ATRN: variants seen among roughly 807,000 people sequenced by gnomAD.
ATRN encodes the protein attractin.
Under a neutral mutation model 178.7 loss-of-function variants are expected in ATRN, and 54 were observed. That is an observed-to-expected ratio of 0.30 (90% CI 0.24 to 0.38). The LOEUF (loss-of-function observed/expected upper bound fraction) is 0.38. ATRN is among the 10% of genes least tolerant of loss of function. The pLI is 1.00. For synonymous variants in ATRN, 636 were observed against 663.0 expected (o/e 0.96, Z 0.63); for missense variants, 1,443 against 1,815.1 (o/e 0.79, Z 3.73).
At chr20:3,485,906 C>T (rs1193907501) in intron 1 of ATRN, among the ~76,000 whole-genome samples, 1 of 152,072 alleles carries the variant, frequency 6.6e-6, no homozygotes, top group Non-Finnish European at 1.5e-5. Context: ...AGGCATAAGC[C>T]ACCCCGCCCA....
Position 3,646,987 on chromosome 20 carries a change from A to G in ATRN, c.*140A>G. ...CCCTCAAAGCATCTGACTCACCTGC[A>G]TGATCACAAGCTTTCTTTGACGGTT... On this transcript the variant is annotated 3_prime_UTR_variant, in exon 29 of 29. Transcript: ENST00000262919. 1.8e-6 allele frequency: 2 copies of G among 1,134,330 alleles called. No individual in the cohort carries two copies. Among genetic ancestry groups the G allele is most frequent in the Admixed American group, 3.1e-5 (1 of 32,460 alleles). The allele number at this position is 1,134,330 out of a possible 1,614,324, so 70.3% of individuals were successfully genotyped here.
chr20:3,473,718 G>T (rs951912843), intron 1 of ATRN, among the ~76,000 whole-genome samples: 2 of 152,178 alleles, frequency 1.3e-5, no homozygotes, highest in Non-Finnish European at 2.9e-5. Context: ...GGACACTGTG[G>T]TAGGCAGTGG....
chr20:3,549,659 AT>A (rs2146204819), intron 6 of ATRN, among the ~76,000 whole-genome samples: 1 of 152,294 alleles, frequency 6.6e-6, no homozygotes, highest in African/African-American at 2.4e-5. Context: ...CCAAGGTCAA[AT>A]GGTTTGAATT....
intron 3 of ATRN, among the ~76,000 whole-genome samples, chr20:3,541,165 C>T (rs556411287): frequency 2.3e-4 from 35 of 151,170 alleles, no homozygotes; most frequent in Non-Finnish European, 4.0e-4. Flanking sequence ...GCAAGCTCCG[C>T]CTCCCGGGTT....
intron 10 of ATRN, among the ~76,000 whole-genome samples, chr20:3,564,119 T>G (rs1417768671): frequency 1.3e-5 from 2 of 152,224 alleles, no homozygotes; most frequent in Non-Finnish European, 2.9e-5. Context: ...CATTCGTTTT[T>G]AACAGACATT....
At chr20:3,601,105 C>T in intron 23 of ATRN, 81 bp downstream of exon 23, 1 of 1,327,110 alleles carries the variant, frequency 7.5e-7, no homozygotes. Flanking sequence ...AGAAAGCGAG[C>T]TCAGGAGACA....
chr20:3,605,002 A>G (rs2086659545), intron 24 of ATRN, among the ~76,000 whole-genome samples: 1 of 152,102 alleles, frequency 6.6e-6, no homozygotes, highest in African/African-American at 2.4e-5. Flanking sequence ...TTCTTCATTT[A>G]GGTGAATGTG....
intron 6 of ATRN, among the ~76,000 whole-genome samples, chr20:3,554,235 T>C (rs1293649847): frequency 1.3e-5 from 2 of 152,062 alleles, no homozygotes; most frequent in African/African-American, 4.8e-5. Context: ...TTCCAAATAA[T>C]GAACTTTCAT....
At chr20:3,590,603 A>G (rs2086427725) in intron 18 of ATRN, among the ~76,000 whole-genome samples, 2 of 152,356 alleles carry the variant, frequency 1.3e-5, no homozygotes, top group Non-Finnish European at 2.9e-5. Context: ...ATAATGAAAA[A>G]TGTAAAGCAA....
intron 8 of ATRN, among the ~76,000 whole-genome samples, chr20:3,561,933 C>T (rs1057246483): frequency 4.6e-5 from 7 of 151,850 alleles, no homozygotes; most frequent in African/African-American, 1.7e-4. Flanking sequence ...TGCTATGTTG[C>T]CCAGGCTGGC....
At chr20:3,560,553 T>C in intron 7 of ATRN, 109 bp from the exon 8 acceptor site, 7 of 973,786 alleles carry the variant, frequency 7.2e-6, no homozygotes, top group Non-Finnish European at 1.0e-5. Context: ...TTTTAGTTTC[T>C]TGACTAACCT....
chr20:3,642,460 G>C (rs6037645), intron 27 of ATRN, among the ~76,000 whole-genome samples: 2,473 of 152,286 alleles, frequency 0.016, 66 homozygotes, highest in African/African-American at 0.056. Context: ...ACTCATTCTT[G>C]ATGTCATGTT....
At chr20:3,519,392 A>G (rs1318829506) in intron 1 of ATRN, among the ~76,000 whole-genome samples, 6 of 152,238 alleles carry the variant, frequency 3.9e-5, no homozygotes, top group Admixed American at 3.9e-4. Flanking sequence ...AGTTAAATGT[A>G]CTTTTTCAAA....
At chr20:3,544,374 G>A (rs1475175912) in intron 3 of ATRN, among the ~76,000 whole-genome samples, 1 of 152,164 alleles carries the variant, frequency 6.6e-6, no homozygotes, top group Non-Finnish European at 1.5e-5. Context: ...TGGTCATCGT[G>A]TACATGAGCA....
intron 20 of ATRN, 150 bp from the exon 21 acceptor site, chr20:3,596,227 C>G: frequency 1.3e-6 from 1 of 755,844 alleles, no homozygotes; most frequent in South Asian, 1.8e-5. Flanking sequence ...GCATGCTCTT[C>G]CTAGACTGCC....
chr20:3,546,828 T>C (rs2085710188), intron 4 of ATRN, among the ~76,000 whole-genome samples: 1 of 152,054 alleles, frequency 6.6e-6, no homozygotes, highest in Non-Finnish European at 1.5e-5. Flanking sequence ...TTTCAGAGAG[T>C]GTACAGAGGA....
intron 25 of ATRN, among the ~76,000 whole-genome samples, chr20:3,628,664 T>C (rs1184285315): frequency 6.6e-6 from 1 of 152,030 alleles, no homozygotes; most frequent in Non-Finnish European, 1.5e-5. Flanking sequence ...GTTTCACGCA[T>C]CCACTGGGAG....
At position 3,481,920 on chromosome 20, in the gene ATRN, G is replaced by A. The variant is rs118017737; in HGVS notation, c.410+10403G>A. Among the ~76,000 whole-genome samples, 38 of 149,244 alleles carry A rather than the reference G, an allele frequency of 2.5e-4. No individual in the cohort carries two copies. The East Asian group carries it at 7.5e-3, about 29-fold the overall frequency. On this transcript the variant is annotated intron_variant, in intron 1 of 28. Coordinates refer to ENST00000262919, the MANE Select transcript of ATRN (RefSeq NM_139321.3). Reference sequence around the variant, plus strand: ...AATTTTTTGATTGGTTTACTAATAAGCCAGTAAACATTAGGGGCTGGAATT... The same window carrying A: ...AATTTTTTGATTGGTTTACTAATAAACCAGTAAACATTAGGGGCTGGAATT...
At chr20:3,618,806 CAT>C (rs1345092891) in intron 24 of ATRN, among the ~76,000 whole-genome samples, 2 of 151,804 alleles carry the variant, frequency 1.3e-5, no homozygotes, top group Non-Finnish European at 2.9e-5. Flanking sequence ...GTGGTCTTGA[CAT>C]AGAGTTCCAT....
Sources: gnomAD v4.1 joint callset for allele counts (sites outside exome capture counted in the v4.1 genomes callset) on GRCh38, gnomAD v4.1.1 for gene constraint, MANE v1.5 for transcripts, NCBI Gene and HGNC (gene_info 2026-07-23, HGNC 2026-07-21) for gene names.